The following ROBO2 variants were observed in gnomAD, a reference collection of about 807,000 sequenced individuals.
ROBO2 encodes roundabout guidance receptor 2.
In ROBO2, 53 loss-of-function variants were observed where a neutral mutation model predicts 160.8. The observed-to-expected ratio is 0.33, with a 90% CI of 0.26 to 0.41. The LOEUF (loss-of-function observed/expected upper bound fraction) is 0.41. Among genes scored for constraint, ROBO2 ranks in the 10% least tolerant of loss-of-function variants. The pLI is 1.00. For synonymous variants in ROBO2, 664 were observed against 611.7 expected (o/e 1.09, Z -1.26); for missense variants, 1,577 against 1,722.4 (o/e 0.92, Z 1.49).
At chr3:76,301,440 G>T (rs958035608) in intron 2 of ROBO2, among the ~76,000 whole-genome samples, 1 of 152,000 alleles carries the variant, frequency 6.6e-6, no homozygotes, top group African/African-American at 2.4e-5. Flanking sequence ...CAAAACCTGG[G>T]ATACACATTG....
At chr3:77,608,609 A>T (rs551432763) in intron 21 of ROBO2, among the ~76,000 whole-genome samples, 2 of 152,280 alleles carry the variant, frequency 1.3e-5, no homozygotes, top group African/African-American at 4.8e-5. Flanking sequence ...GCTTTAATTG[A>T]TTTTAAATAC....
intron 2 of ROBO2, among the ~76,000 whole-genome samples, chr3:76,209,261 C>T (rs541230370): frequency 1.3e-4 from 20 of 152,262 alleles, no homozygotes; most frequent in Non-Finnish European, 2.5e-4. Flanking sequence ...GTCAGACCTA[C>T]CTAGATATGG....
chr3:76,079,769 T>G (rs938622394), intron 2 of ROBO2, among the ~76,000 whole-genome samples: 8 of 151,864 alleles, frequency 5.3e-5, no homozygotes, highest in Non-Finnish European at 1.2e-4. Context: ...AAATTTAGGT[T>G]TTTGAATGAA....
At chr3:77,217,418 C>T (rs977936933) in intron 2 of ROBO2, among the ~76,000 whole-genome samples, 1 of 152,150 alleles carries the variant, frequency 6.6e-6, no homozygotes, top group Admixed American at 6.5e-5. Context: ...GCTGGGATTA[C>T]AGGCATGGGC....
intron 2 of ROBO2, among the ~76,000 whole-genome samples, chr3:76,452,144 T>C (rs2077505481): frequency 6.6e-6 from 1 of 152,168 alleles, no homozygotes; most frequent in Non-Finnish European, 1.5e-5. Flanking sequence ...GAAATATTTA[T>C]GTTACTTTGC....
At chr3:76,433,950 C>G in intron 2 of ROBO2, 1 of 725,398 alleles carries the variant, frequency 1.4e-6, no homozygotes, top group Non-Finnish European at 2.5e-6. Flanking sequence ...TGGGATTCTA[C>G]TCCAATACAA....
chr3:77,468,410 A>G (rs1020559326), intron 2 of ROBO2, among the ~76,000 whole-genome samples: 2 of 152,224 alleles, frequency 1.3e-5, no homozygotes, highest in African/African-American at 4.8e-5. Context: ...CTTGGTCCCC[A>G]AGGAGAACAT....
Position 77,173,700 on chromosome 3 carries a change from A to T in ROBO2, c.388+75360A>T, listed in dbSNP as rs72891560. 8.3e-3 allele frequency among the ~76,000 whole-genome samples: 1,267 copies of T among 152,202 alleles called. 20 individuals carry two copies. The highest frequency in any genetic ancestry group is 0.028 in the African/African-American group (1,166 of 41,536). ...GCATTATTCATATTTTAAAATTCTTAAAAAAATCAGTTATTGTTACATATC... is the reference window on the plus strand; with the variant it reads ...GCATTATTCATATTTTAAAATTCTTTAAAAAATCAGTTATTGTTACATATC... On this transcript the variant is annotated intron_variant, in intron 2 of 25. Coordinates refer to ENST00000461745, the Ensembl canonical transcript of ROBO2.
chr3:77,239,380 G>C (rs1560315118), intron 2 of ROBO2, among the ~76,000 whole-genome samples: 1 of 152,182 alleles, frequency 6.6e-6, no homozygotes, highest in Non-Finnish European at 1.5e-5. Flanking sequence ...CTGGCCTCAG[G>C]AGTGAAGCTG....
intron 2 of ROBO2, among the ~76,000 whole-genome samples, chr3:76,103,922 T>G (rs2069810639): frequency 6.6e-6 from 1 of 152,144 alleles, no homozygotes; most frequent in African/African-American, 2.4e-5. Flanking sequence ...CCAGTGAACA[T>G]AAAAAACCAT....
Position 77,534,885 on chromosome 3 carries a change from A to G in ROBO2, c.935-11453A>G, listed in dbSNP as rs115629897. Among the ~76,000 whole-genome samples the G allele has an allele frequency of 2.1e-3, 315 of 152,268 alleles. 1 individual carries two copies. The highest frequency in any genetic ancestry group is 7.5e-3 in the African/African-American group (311 of 41,552). ...CACTTACATGTGGTGGGGGCACACA[A>G]ATGTTGGTGCAGTTAATTGATACAC... On this transcript the variant is annotated intron_variant, in intron 6 of 25. Coordinates refer to ENST00000461745, the Ensembl canonical transcript of ROBO2.
chr3:77,474,975 A>G (rs1407830419), intron 2 of ROBO2, among the ~76,000 whole-genome samples: 1 of 152,144 alleles, frequency 6.6e-6, no homozygotes, highest in African/African-American at 2.4e-5. Flanking sequence ...TTCCTTCAAA[A>G]TTTGAGAAGA....
At chr3:76,229,333 C>A in intron 2 of ROBO2, among the ~76,000 whole-genome samples, 1 of 151,800 alleles carries the variant, frequency 6.6e-6, no homozygotes, top group South Asian at 2.1e-4. Flanking sequence ...AGTCTCTATC[C>A]AATGAAACTA....
intron 2 of ROBO2, among the ~76,000 whole-genome samples, chr3:76,945,562 T>C (rs933889732): frequency 3.3e-5 from 5 of 152,246 alleles, no homozygotes; most frequent in African/African-American, 1.2e-4. Flanking sequence ...GAAACTTTAA[T>C]GACAGGTGTA....
At chr3:76,359,297 T>C (rs2075367578) in intron 2 of ROBO2, among the ~76,000 whole-genome samples, 1 of 152,038 alleles carries the variant, frequency 6.6e-6, no homozygotes, top group South Asian at 2.1e-4. Flanking sequence ...GAAAGGATGC[T>C]TTAAAATTGA....
At chr3:76,640,139 A>G (rs754215568) in intron 2 of ROBO2, among the ~76,000 whole-genome samples, 6 of 152,236 alleles carry the variant, frequency 3.9e-5, no homozygotes, top group Non-Finnish European at 8.8e-5. Context: ...GATGTCACAT[A>G]CAAAAGGAAA....
At chr3:76,993,344 G>C (rs2060798440) in intron 2 of ROBO2, among the ~76,000 whole-genome samples, 1 of 152,084 alleles carries the variant, frequency 6.6e-6, no homozygotes, top group Admixed American at 6.6e-5. Context: ...GGAATAAAGA[G>C]TTTGTGAAAT....
chr3:75,961,005 T>A (rs116078493), intron 2 of ROBO2, among the ~76,000 whole-genome samples: 3,901 of 151,784 alleles, frequency 0.026, 167 homozygotes, highest in African/African-American at 0.089. Context: ...ATTTTGTTAA[T>A]TTGAGGTGTT....
At chr3:77,262,985 A>G (rs1372537348) in intron 2 of ROBO2, among the ~76,000 whole-genome samples, 1 of 152,224 alleles carries the variant, frequency 6.6e-6, no homozygotes, top group Non-Finnish European at 1.5e-5. Flanking sequence ...TTTATTTTAC[A>G]TCTGAGAACA....
Sources: allele counts gnomAD v4.1 joint callset (sites outside exome capture counted in the v4.1 genomes callset), GRCh38; gene constraint gnomAD v4.1.1; transcripts MANE v1.5; gene names NCBI Gene and HGNC (gene_info 2026-07-23, HGNC 2026-07-21).